Variants in STAMBP observed in about 807,000 individuals in gnomAD.
The protein encoded by STAMBP is STAM binding protein, also known as STAM-binding protein.
In STAMBP, 31 loss-of-function variants were observed where a neutral mutation model predicts 50.7. That is an observed-to-expected ratio of 0.61 (90% CI 0.46 to 0.83). STAMBP has a LOEUF of 0.83. STAMBP is among the 40% of genes least tolerant of loss of function. The pLI, the probability that STAMBP is intolerant of heterozygous loss-of-function variation, is 0.00. For synonymous variants in STAMBP, 211 were observed against 192.4 expected (o/e 1.10, Z -0.80); for missense variants, 472 against 518.9 (o/e 0.91, Z 0.88).
rs1180521255 is a variant in STAMBP, at chr2:73,850,456, A to G, written c.948A>G (p.Glu316=). ...AGSDYCNTEN[E]EELFLIQDQQ... is the part of the protein sequence containing the mutation. ...CTGATTACTGCAACACAGAGAACGA[A>G]GAAGAACTTTTCCTCATACAGGATC... The change falls in exon 7 of 10, where the codon GAA becomes GAG. Residue 316 remains glutamate (E), a synonymous_variant. Transcript: ENST00000394070. This position sits in a 1 kb window ranked among gnomAD's most constrained non-coding sequence, Gnocchi z 4.3. The G allele has an allele frequency of 1.2e-6, 2 of 1,613,810 alleles. No homozygotes were observed. Among genetic ancestry groups the G allele is most frequent in the African/African-American group, 2.7e-5 (2 of 74,914 alleles).
downstream of STAMBP, among the ~76,000 whole-genome samples, chr2:73,871,785 T>G (rs1342342005): frequency 6.6e-6 from 1 of 152,158 alleles, no homozygotes; most frequent in African/African-American, 2.4e-5. Flanking sequence ...ACTTTTTTTT[T>G]GAAACAGAGG....
At chr2:73,844,975 T>A in intron 3 of STAMBP, 87 bp downstream of exon 3, 1 of 1,548,808 alleles carries the variant, frequency 6.5e-7, no homozygotes, top group East Asian at 2.3e-5. Context: ...TCTCTGCATC[T>A]GAGTACCAGA....
At chr2:73,861,605 G>GC (rs1409428168) in intron 9 of STAMBP, among the ~76,000 whole-genome samples, 6 of 151,738 alleles carry the variant, frequency 4.0e-5, no homozygotes, top group African/African-American at 1.2e-4. Context: ...TGCAGCCTCT[G>GC]CCCCCCAGGT....
intron 3 of STAMBP, 130 bp downstream of exon 3, chr2:73,845,018 A>C: frequency 6.6e-7 from 1 of 1,519,080 alleles, no homozygotes; most frequent in South Asian, 1.3e-5. Flanking sequence ...ATTTCACCAC[A>C]ACAGTTCTGA....
intron 1 of STAMBP, among the ~76,000 whole-genome samples, chr2:73,829,833 T>A (rs1344543469): frequency 2.0e-5 from 3 of 152,164 alleles, no homozygotes; most frequent in Admixed American, 1.3e-4. Flanking sequence ...TAAATGAAAC[T>A]GAAATGTGAG....
In STAMBP at chr2:73,865,570, T is replaced by C. The variant is rs1678792947; in HGVS notation, c.*3311T>C. On this transcript the variant is annotated 3_prime_UTR_variant, in exon 10 of 10. Coordinates refer to ENST00000394070, the MANE Select transcript of STAMBP (RefSeq NM_213622.4). The stretch of plus-strand genomic sequence containing the variant: ...GGTTGAACATTTAAGGCTTTGCTTC[T>C]AGGCCCAGCTATACATTCACCAGCA... The C allele has an allele frequency of 6.6e-6, 1 of 152,232 alleles. No homozygotes were observed. The highest frequency in any genetic ancestry group is 6.5e-5 in the Admixed American group (1 of 15,284). The allele number at this position is 152,232 out of a possible 1,614,324, so 9.4% of individuals were successfully genotyped here. A position where few individuals can be genotyped will look rare whatever the true frequency, so the allele number is the denominator to read the frequency against.
At chr2:73,867,529 C>G (rs1382238281), downstream of STAMBP, among the ~76,000 whole-genome samples, 1 of 151,434 alleles carries the variant, frequency 6.6e-6, no homozygotes, top group Non-Finnish European at 1.5e-5. Flanking sequence ...GGGCAACGAG[C>G]GAAACTCCGT....
intron 7 of STAMBP, among the ~76,000 whole-genome samples, chr2:73,854,431 C>G (rs1028558490): frequency 3.9e-5 from 6 of 152,170 alleles, no homozygotes; most frequent in Non-Finnish European, 8.8e-5. Context: ...CAGTTGGGAA[C>G]AGATTTGAAG....
At chr2:73,855,544 A>G in intron 7 of STAMBP, 3 of 454,682 alleles carry the variant, frequency 6.6e-6, no homozygotes, top group South Asian at 4.7e-5. Flanking sequence ...AGAATCCTGG[A>G]CTCTAACCAT....
intron 2 of STAMBP, among the ~76,000 whole-genome samples, chr2:73,837,552 T>G (rs1419170873): frequency 1.8e-5 from 2 of 111,858 alleles, no homozygotes; most frequent in African/African-American, 7.1e-5. Flanking sequence ...GCCACTGCAC[T>G]CCAGCCTGGG....
chr2:73,842,326 C>T (rs1240057356), intron 2 of STAMBP, among the ~76,000 whole-genome samples: 1 of 152,192 alleles, frequency 6.6e-6, no homozygotes, highest in Non-Finnish European at 1.5e-5. Flanking sequence ...TCTTCCCACA[C>T]CCCAAAGGTC....
chr2:73,844,883 G>A lies in STAMBP; in HGVS notation c.274G>A (p.Val92Ile). The change falls in exon 3 of 10, where the codon GTA (valine) becomes ATA (isoleucine). Residue 92 changes from valine (V) to isoleucine (I), a missense_variant. Transcript: ENST00000394070. ...SAVIPEKKDTVKKLKEIAFPK... is the reference protein window; with the variant it reads ...SAVIPEKKDTIKKLKEIAFPK... ...TGTCATTCCTGAAAAGAAAGACACA[G>A]TAAAGGTGGGTCTTCACTTTCATTG... is the stretch of plus-strand genomic sequence containing the variant. The A allele has an allele frequency of 1.9e-6, 3 of 1,613,686 alleles. No homozygotes were observed. The South Asian group carries it at 3.3e-5, about 18-fold the overall frequency.
chr2:73,862,165 A>G, intron 9 of STAMBP, 38 bp from the exon 10 acceptor site: 1 of 1,573,800 alleles, frequency 6.4e-7, no homozygotes, highest in Non-Finnish European at 8.6e-7. Flanking sequence ...ACTTTTCAGA[A>G]TTTTCTAGGA....
chr2:73,847,596 G>C lies in STAMBP; in HGVS notation c.585G>C (p.Pro195=), dbSNP rs756961108. 3.1e-6 allele frequency: 5 copies of C among 1,614,040 alleles called. No homozygotes were observed. The highest frequency in any genetic ancestry group is 2.7e-5 in the African/African-American group (2 of 74,922). The change falls in exon 5 of 10, where the codon CCG becomes CCC. Residue 195 remains proline, a synonymous_variant. Transcript: ENST00000394070. ...AGGTAGACCCTGGCCTAGGTGGCCCGCTAGTGCCTGACTTGGAGAAGCCCT... is the reference window on the plus strand; with the variant it reads ...AGGTAGACCCTGGCCTAGGTGGCCCCCTAGTGCCTGACTTGGAGAAGCCCT... The part of the protein sequence containing the change: ...FGKVDPGLGG[P]LVPDLEKPSL...
Position 73,865,308 on chromosome 2 carries a change from T to A in STAMBP, c.*3049T>A, listed in dbSNP as rs1427514543. The A allele has an allele frequency of 1.3e-5, 2 of 152,208 alleles. No individual in the cohort carries two copies. The highest frequency in any genetic ancestry group is 6.5e-5 in the Admixed American group (1 of 15,286). The allele number at this position is 152,208 out of a possible 1,614,324, so 9.4% of individuals were successfully genotyped here. On this transcript the variant is annotated 3_prime_UTR_variant, in exon 10 of 10. Transcript: ENST00000394070. ...AGTTTTAGGACCAGAGTAGATGTTG[T>A]TCCCTAGAAAATAGAGTCAGCTATT...
chr2:73,872,974 C>A (rs1679258891), intron 10 of STAMBP, among the ~76,000 whole-genome samples: 1 of 152,192 alleles, frequency 6.6e-6, no homozygotes, highest in Admixed American at 6.5e-5. Flanking sequence ...ACAAACCCAA[C>A]ATCAGGTAGA....
chr2:73,848,504 A>G (rs1176246929), intron 5 of STAMBP, among the ~76,000 whole-genome samples: 2 of 152,230 alleles, frequency 1.3e-5, no homozygotes, highest in Non-Finnish European at 2.9e-5. Context: ...GTTCAGATGA[A>G]TGGGCAGTGT....
Position 73,861,901 on chromosome 2 carries a change from A to G in STAMBP, c.1219-302A>G, listed in dbSNP as rs113566031. On this transcript the variant is annotated intron_variant, in intron 9 of 9. Coordinates refer to ENST00000394070, the MANE Select transcript of STAMBP (RefSeq NM_213622.4). The stretch of plus-strand genomic sequence containing the variant: ...GCCTATAATCCCAATACTTTGGGAG[A>G]CTGAGGCAGGCAGATTACTTGAGGT... Among the ~76,000 whole-genome samples the G allele has an allele frequency of 0.12, 18,140 of 151,966 alleles. 1,280 individuals are homozygous for G. Among genetic ancestry groups the G allele is most frequent in the African/African-American group, 0.19 (7,716 of 41,448 alleles).
Position 73,850,474 on chromosome 2 carries a change from A to G in STAMBP, c.966A>G (p.Ile322Met). The G allele has an allele frequency of 1.2e-6, 2 of 1,613,870 alleles. No homozygotes were observed. Among genetic ancestry groups the G allele is most frequent in the South Asian group, 1.1e-5 (1 of 90,952 alleles). ...NTENEEELFL[I>M]QDQQGLITLG... ...AGAACGAAGAAGAACTTTTCCTCAT[A>G]CAGGATCAGCAGGGCCTCATCACAC... Residue 322 changes from isoleucine to methionine, a missense_variant, in exon 7 of 10, where the codon ATA becomes ATG. Physicochemically the swap from Ile to Met is conservative, Grantham distance 10. Transcript: ENST00000394070. The surrounding 1 kb of genome is among the most constrained non-coding windows in gnomAD (Gnocchi z 4.3).
Sources: allele counts gnomAD v4.1 joint callset (sites outside exome capture counted in the v4.1 genomes callset), GRCh38; gene constraint gnomAD v4.1.1; non-coding constraint Gnocchi (gnomAD v3.1); transcripts MANE v1.5; gene names NCBI Gene and HGNC (gene_info 2026-07-23, HGNC 2026-07-21).